PCLAF: variants seen among roughly 807,000 people sequenced by gnomAD.
PCLAF encodes PCNA clamp associated factor, also known as PCNA-associated factor.
In PCLAF, 12 loss-of-function variants were observed where a neutral mutation model predicts 15.1. The observed-to-expected ratio is 0.79, with a 90% CI of 0.51 to 1.29. The LOEUF is 1.29. PCLAF is among the 50% of genes most tolerant of loss of function. The pLI, the probability that PCLAF is intolerant of heterozygous loss-of-function variation, is 0.00. For synonymous variants in PCLAF, 33 were observed against 47.1 expected (o/e 0.70, Z 1.22); for missense variants, 116 against 130.9 (o/e 0.89, Z 0.56).
intron 3 of PCLAF, chr15:64,373,609 G>C: frequency 6.7e-7 from 1 of 1,490,806 alleles, no homozygotes; most frequent in Non-Finnish European, 8.9e-7. Flanking sequence ...CCGGCATACT[G>C]GTTAAAGGAA....
chr15:64,377,248 A>G (rs930694109), intron 2 of PCLAF, among the ~76,000 whole-genome samples: 19 of 151,314 alleles, frequency 1.3e-4, no homozygotes, highest in Non-Finnish European at 2.1e-4. Flanking sequence ...AGGGTGGATC[A>G]CAAGGTCAGG....
At chr15:64,378,118 G>A (rs1276605972) in intron 2 of PCLAF, among the ~76,000 whole-genome samples, 1 of 152,066 alleles carries the variant, frequency 6.6e-6, no homozygotes, top group Non-Finnish European at 1.5e-5. Flanking sequence ...TTTTAGTAGA[G>A]ACAGGGTTTC....
chr15:64,384,766 A>G (rs999410027), upstream of PCLAF, among the ~76,000 whole-genome samples: 1 of 151,876 alleles, frequency 6.6e-6, no homozygotes, highest in Non-Finnish European at 1.5e-5. Context: ...AAAAGAAAAG[A>G]AAAAAGAGAT....
At chr15:64,374,238 A>G (rs1047080753) in intron 3 of PCLAF, among the ~76,000 whole-genome samples, 11 of 152,250 alleles carry the variant, frequency 7.2e-5, no homozygotes, top group Middle Eastern at 3.4e-3. Flanking sequence ...GTATGGTTTC[A>G]TTAACTTCTT....
rs1009949864 is a variant in PCLAF, at chr15:64,365,160, G to A, written c.*870C>T. On this transcript the variant is annotated 3_prime_UTR_variant, in exon 4 of 4. Coordinates refer to ENST00000300035, the MANE Select transcript of PCLAF (RefSeq NM_014736.6). Reference sequence around the variant, plus strand: ...TGGGACTACAGGCGCCCGCCACCGCGCCCGGCTAATTTTTTGTATTTTTAG... The same window carrying A: ...TGGGACTACAGGCGCCCGCCACCGCACCCGGCTAATTTTTTGTATTTTTAG... 3.3e-5 allele frequency: 5 copies of A among 151,550 alleles called. No homozygotes were observed. Among genetic ancestry groups the A allele is most frequent in the Admixed American group, 6.6e-5 (1 of 15,204 alleles). 9.4% of individuals were successfully genotyped at this position (151,550 alleles called of 1,614,324 possible).
intron 2 of PCLAF, among the ~76,000 whole-genome samples, chr15:64,377,485 AAAAATATATATATATATATAT>A (rs1158749810): frequency 2.4e-5 from 1 of 40,990 alleles, no homozygotes; most frequent in African/African-American, 8.9e-5. Context: ...AAAAAAAAAA[AAAAATATATATATATATATAT>A]ATATATATAT....
At chr15:64,376,395 T>C (rs1434034761) in intron 3 of PCLAF, among the ~76,000 whole-genome samples, 1 of 152,158 alleles carries the variant, frequency 6.6e-6, no homozygotes, top group African/African-American at 2.4e-5. Context: ...AATTAATTTT[T>C]TATTTGAGAC....
rs536477494 is a variant in PCLAF, at chr15:64,378,016, C to T, written c.128-1111G>A. On this transcript the variant is annotated intron_variant, in intron 2 of 3. Transcript: ENST00000300035. ...CACGATCTTGGCTCACTGCAAGCTC[C>T]GCCTCCCGGGTTCATGCCATTCTCC... is the stretch of plus-strand genomic sequence containing the variant. Among the ~76,000 whole-genome samples, 20 of 147,022 alleles carry T rather than the reference C, an allele frequency of 1.4e-4. 1 individual carries two copies. In the East Asian group the frequency reaches 2.0e-3, roughly 15 times the overall value.
upstream of PCLAF, among the ~76,000 whole-genome samples, chr15:64,384,191 G>T (rs1274426619): frequency 6.6e-6 from 1 of 152,066 alleles, no homozygotes; most frequent in Non-Finnish European, 1.5e-5. Context: ...CTGGAATGCA[G>T]TGGCACGATC....
intron 3 of PCLAF, among the ~76,000 whole-genome samples, chr15:64,375,082 T>C (rs1383272822): frequency 1.3e-5 from 2 of 152,164 alleles, no homozygotes; most frequent in Non-Finnish European, 2.9e-5. Context: ...TGGGGATTTC[T>C]ATATTTTCCA....
chr15:64,387,403 T>C, intron 1 of PCLAF: 1 of 1,050,498 alleles, frequency 9.5e-7, no homozygotes, highest in Non-Finnish European at 1.2e-6. Context: ...ATAAATTAAT[T>C]AATTAATTAA....
chr15:64,386,648 TTG>T (rs1276544896), intron 1 of PCLAF, among the ~76,000 whole-genome samples: 1 of 141,696 alleles, frequency 7.1e-6, no homozygotes, highest in Non-Finnish European at 1.5e-5. Context: ...GTGTGTGTGT[TTG>T]TGTGTGTGTC....
intron 3 of PCLAF, among the ~76,000 whole-genome samples, chr15:64,375,123 TATTTTA>T (rs1341225611): frequency 6.6e-6 from 1 of 152,116 alleles, no homozygotes; most frequent in Non-Finnish European, 1.5e-5. Context: ...TTTTTATTTT[TATTTTA>T]CTTGATTTTT....
chr15:64,367,444 C>G (rs957099793), intron 3 of PCLAF, among the ~76,000 whole-genome samples: 14 of 149,030 alleles, frequency 9.4e-5, no homozygotes, highest in African/African-American at 3.5e-4. Context: ...CAGAGGTTGC[C>G]GTGAGCCAAA....
In PCLAF at chr15:64,381,402, C is replaced by T. The variant is rs1358097000; in HGVS notation, c.-31G>A. 1.2e-6 allele frequency: 2 copies of T among 1,614,096 alleles called. No individual in the cohort carries two copies. The highest frequency in any genetic ancestry group is 1.7e-6 in the Non-Finnish European group (2 of 1,180,022). ...AACAAGAAGAGAGGAGAGGAGAGAA[C>T]GAACTGACTTCCCAGCCGAGGGTGT... On this transcript the variant is annotated 5_prime_UTR_variant, in exon 1 of 4. Coordinates refer to ENST00000300035, the MANE Select transcript of PCLAF (RefSeq NM_014736.6).
chr15:64,383,473 TCTC>T (rs1258218993), upstream of PCLAF, among the ~76,000 whole-genome samples: 5 of 152,020 alleles, frequency 3.3e-5, no homozygotes, highest in East Asian at 7.7e-4. Context: ...TTCAAGCAAT[TCTC>T]CTGCCTCAGC....
At chr15:64,383,371 GT>G (rs763173670), upstream of PCLAF, among the ~76,000 whole-genome samples, 900 of 141,992 alleles carry the variant, frequency 6.3e-3, 8 homozygotes, top group African/African-American at 0.02. Context: ...TTGTGTGTGT[GT>G]TTTTTTTTTT....
upstream of PCLAF, chr15:64,382,940 CG>C (rs1325520903): frequency 1.6e-5 from 3 of 187,820 alleles, no homozygotes; most frequent in East Asian, 5.3e-4. Context: ...TGCAGTGAGC[CG>C]AGATCACGCT....
upstream of PCLAF, chr15:64,381,518 C>A: frequency 6.5e-7 from 1 of 1,540,190 alleles, no homozygotes; most frequent in Middle Eastern, 1.7e-4. Context: ...GCCACCGCTC[C>A]CATTGGTTCC....
Sources: allele counts gnomAD v4.1 joint callset (sites outside exome capture counted in the v4.1 genomes callset), GRCh38; gene constraint gnomAD v4.1.1; transcripts MANE v1.5; gene names NCBI Gene and HGNC (gene_info 2026-07-23, HGNC 2026-07-21).